Variants in HOMER3 observed in about 807,000 individuals in gnomAD.
HOMER3 encodes the protein homer protein homolog 3.
Under a neutral mutation model 45.5 loss-of-function variants are expected in HOMER3, and 34 were observed. The observed-to-expected ratio is 0.75, with a 90% CI of 0.57 to 1.00. The LOEUF is 1.00. Among genes scored for constraint, HOMER3 ranks in the 50% least tolerant of loss-of-function variants. The pLI is 0.00. For missense variants in HOMER3, 480 were observed against 497.5 expected (o/e 0.96, Z 0.33); for synonymous variants, 223 against 208.8 (o/e 1.07, Z -0.58).
In HOMER3 at chr19:18,938,709, A is replaced by ACACCCCC; in HGVS notation, c.171+18_171+19insGGGGGTG. 4 of 940,922 alleles carry ACACCCCC rather than the reference A, an allele frequency of 4.3e-6. No homozygotes were observed. Among genetic ancestry groups the ACACCCCC allele is most frequent in the Non-Finnish European group, 4.8e-6 (3 of 626,790 alleles). The allele number at this position is 940,922 out of a possible 1,614,324, so 58.3% of individuals were successfully genotyped here. A position where few individuals can be genotyped will look rare whatever the true frequency, so the allele number is the denominator to read the frequency against. ...CCAGGACTCCTGGTGCCTCTGCCCC[A>ACACCCCC]CCCAGACCCCACCCTGACCTTGGCG... is the stretch of plus-strand genomic sequence containing the variant. On this transcript the variant is annotated intron_variant, in intron 3 of 9. Transcript: ENST00000392351.
rs776158172 is a variant in HOMER3 at position 18,929,426 on chromosome 19, A to G, written c.*17T>C. 45 of 1,587,936 alleles carry G rather than the reference A, an allele frequency of 2.8e-5. No individual in the cohort carries two copies. Among genetic ancestry groups the G allele is most frequent in the Non-Finnish European group, 3.7e-5 (43 of 1,171,516 alleles). Reference sequence around the variant, plus strand: ...CGCATCCCAGGCCGGAATCGTTCATAGAAAACCAGCCCCGGCTCAGGGCGC... The same window carrying G: ...CGCATCCCAGGCCGGAATCGTTCATGGAAAACCAGCCCCGGCTCAGGGCGC... On this transcript the variant is annotated 3_prime_UTR_variant, in exon 10 of 10. Transcript: ENST00000392351.
Position 18,929,630 on chromosome 19 carries a change from A to G in HOMER3, c.899T>C (p.Leu300Pro). 7 of 1,470,966 alleles carry G rather than the reference A, an allele frequency of 4.8e-6. No homozygotes were observed. The highest frequency in any genetic ancestry group is 6.4e-6 in the Non-Finnish European group (7 of 1,095,296). The allele number at this position is 1,470,966 out of a possible 1,614,324, so 91.1% of individuals were successfully genotyped here. A position where few individuals can be genotyped will look rare whatever the true frequency, so the allele number is the denominator to read the frequency against. Residue 300 changes from leucine to proline, a missense_variant, in exon 10 of 10, where the codon CTG (leucine) becomes CCG (proline). By Grantham distance (98) the Leu-to-Pro change is moderately conservative (BLOSUM62 -3). Transcript: ENST00000392351. ...REETQQKVQD[L>P]ETRNAELEHQ... Reference sequence around the variant, plus strand: ...CTCCAACTCCGCATTGCGGGTCTCCAGGTCCTGCCAGGAAAGGGTGGGCAG... The same window carrying G: ...CTCCAACTCCGCATTGCGGGTCTCCGGGTCCTGCCAGGAAAGGGTGGGCAG...
chr19:18,932,200 TA>T, intron 6 of HOMER3, 68 bp from the exon 7 acceptor site: 2 of 1,156,382 alleles, frequency 1.7e-6, no homozygotes, highest in South Asian at 2.3e-5. Context: ...GATGCTGGGC[TA>T]GGGGGCGGGG....
intron 6 of HOMER3, among the ~76,000 whole-genome samples, chr19:18,932,432 G>A (rs962462456): frequency 2.1e-4 from 32 of 151,838 alleles, no homozygotes; most frequent in Admixed American, 1.1e-3. Flanking sequence ...GCCAGAGGAG[G>A]GGTGGCTTTG....
chr19:18,931,728 A>G, intron 7 of HOMER3, 103 bp from the exon 8 acceptor site: 1 of 1,505,158 alleles, frequency 6.6e-7, no homozygotes, highest in Non-Finnish European at 8.8e-7. Context: ...CCCAGGACCG[A>G]GCACCCATCT....
In HOMER3 at chr19:18,936,268, G is replaced by A. The variant is rs747355301; in HGVS notation, c.304-1858C>T. Among the ~76,000 whole-genome samples, 80 of 150,192 alleles carry A rather than the reference G, an allele frequency of 5.3e-4. 2 individuals are homozygous for A. Among genetic ancestry groups the A allele is most frequent in the Admixed American group, 1.6e-3 (24 of 14,880 alleles). On this transcript the variant is annotated intron_variant, in intron 4 of 9. Coordinates refer to ENST00000392351, the MANE Select transcript of HOMER3 (RefSeq NM_004838.4). ...GCGGAAGTTGCGGTGAGCCGAGATC[G>A]CACCATTGCACTCCAGCCTGGGGGA...
rs145484146 is a variant in HOMER3, at chr19:18,931,569, C to T, written c.747G>A (p.Glu249=). 128 of 1,613,308 alleles carry T rather than the reference C, an allele frequency of 7.9e-5. No homozygotes were observed. The highest frequency in any genetic ancestry group is 1.1e-4 in the Non-Finnish European group (125 of 1,179,994). The part of the protein sequence containing the change: ...ASEVTPTGEK[E]GLGQGQSLEQ... ...CCAGCGACTGGCCCTGGCCCAGCCC[C>T]TCCTTCTCACCGGTGGGGGTCACCT... Residue 249 remains glutamate (E), a synonymous_variant, in exon 8 of 10, where the codon GAG becomes GAA. Coordinates refer to ENST00000392351, the MANE Select transcript of HOMER3 (RefSeq NM_004838.4).
chr19:18,932,177 G>C, intron 6 of HOMER3, 45 bp from the exon 7 acceptor site: 1 of 1,484,618 alleles, frequency 6.7e-7, no homozygotes, highest in Non-Finnish European at 9.0e-7. Flanking sequence ...GGGGCTGGGG[G>C]GCGGAGTCGG....
intron 9 of HOMER3, among the ~76,000 whole-genome samples, chr19:18,930,683 T>C (rs1220131646): frequency 1.3e-5 from 2 of 151,828 alleles, no homozygotes; most frequent in African/African-American, 2.4e-5. Flanking sequence ...GAGACCAGTC[T>C]GGCCAACATG....
rs2057037204 is a variant in HOMER3, at chr19:18,931,929, G to A, written c.690+47C>T. ...GAACTGCCGAGGCGCGGTCTCCACA[G>A]TTGCCCGGGCCAGGTGGGGGTCTCT... On this transcript the variant is annotated intron_variant, in intron 7 of 9. Coordinates refer to ENST00000392351, the MANE Select transcript of HOMER3 (RefSeq NM_004838.4). 4.1e-6 allele frequency: 6 copies of A among 1,479,162 alleles called. No individual in the cohort carries two copies. In the East Asian group the frequency reaches 1.2e-4, roughly 31 times the overall value. 91.6% of individuals were successfully genotyped at this position (1,479,162 alleles called of 1,614,324 possible).
chr19:18,931,016 A>T (rs1279878509), intron 9 of HOMER3, among the ~76,000 whole-genome samples: 1 of 151,490 alleles, frequency 6.6e-6, no homozygotes, highest in Admixed American at 6.6e-5. Context: ...TCAAAGAATT[A>T]AAAAAAAATA....
intron 3 of HOMER3, 76 bp downstream of exon 3, chr19:18,938,652 C>G (rs1340147182): frequency 1.3e-6 from 2 of 1,529,598 alleles, no homozygotes; most frequent in Non-Finnish European, 1.8e-6. Flanking sequence ...CTTGGGCACA[C>G]AGCAAGCCAG....
At position 18,934,301 on chromosome 19, in the gene HOMER3, A is replaced by T; in HGVS notation, c.411+2T>A. On this transcript the variant is annotated splice_donor_variant, in intron 5 of 9. Coordinates refer to ENST00000392351, the MANE Select transcript of HOMER3 (RefSeq NM_004838.4). LOFTEE classifies it high-confidence loss of function. Reference sequence around the variant, plus strand: ...AGGCATAGGGGAGTAGGGAGTGCTGACCTGGTGGGAGGCGAGCCCCAGGGC... The same window carrying T: ...AGGCATAGGGGAGTAGGGAGTGCTGTCCTGGTGGGAGGCGAGCCCCAGGGC... 1 of 1,503,646 alleles carries T rather than the reference A, an allele frequency of 6.7e-7. No individual in the cohort carries two copies. Among genetic ancestry groups the T allele is most frequent in the Non-Finnish European group, 8.9e-7 (1 of 1,122,154 alleles). The allele number at this position is 1,503,646 out of a possible 1,614,324, so 93.1% of individuals were successfully genotyped here.
In HOMER3 at chr19:18,929,602, G is replaced by T; in HGVS notation, c.927C>A (p.His309Gln). The T allele has an allele frequency of 6.5e-7, 1 of 1,536,342 alleles. No homozygotes were observed. Reference protein sequence around the residue: ...DLETRNAELEHQLRAMERSLE... With the variant: ...DLETRNAELEQQLRAMERSLE... The stretch of plus-strand genomic sequence containing the variant: ...GGCTGCGCTCCATCGCCCGCAGCTG[G>T]TGCTCCAACTCCGCATTGCGGGTCT... The change falls in exon 10 of 10, where the codon CAC becomes CAA. Residue 309 changes from histidine to glutamine, a missense_variant. Transcript: ENST00000392351.
rs898772339 is a variant in HOMER3 at position 18,929,554 on chromosome 19, C to CCGCTCT, written c.969_974dup (p.Glu326_Arg327dup). ...GGCCCACCTCAGCCCGCGCCCGCTC[C>CCGCTCT]CGCTCTGCCCGTGCCTCCTCCAGGC... is the stretch of plus-strand genomic sequence containing the variant. On this transcript the variant is annotated inframe_insertion, in exon 10 of 10. Coordinates refer to ENST00000392351, the MANE Select transcript of HOMER3 (RefSeq NM_004838.4). The CCGCTCT allele has an allele frequency of 5.8e-6, 9 of 1,552,178 alleles. No individual in the cohort carries two copies. The Admixed American group carries it at 7.7e-5, about 13-fold the overall frequency.
Position 18,933,049 on chromosome 19 carries a change from G to A in HOMER3, c.412-4C>T, listed in dbSNP as rs73529159. 7.5e-5 allele frequency: 112 copies of A among 1,489,282 alleles called. No individual in the cohort carries two copies. The highest frequency in any genetic ancestry group is 9.7e-5 in the Non-Finnish European group (109 of 1,124,520). 92.3% of individuals were successfully genotyped at this position (1,489,282 alleles called of 1,614,324 possible). A position where few individuals can be genotyped will look rare whatever the true frequency, so the allele number is the denominator to read the frequency against. On this transcript the variant is annotated splice_polypyrimidine_tract_variant and splice_region_variant and intron_variant, in intron 5 of 9. Coordinates refer to ENST00000392351, the MANE Select transcript of HOMER3 (RefSeq NM_004838.4). Reference sequence around the variant, plus strand: ...TGACGAGAGGGCTCGGGGGCACCTAGGCACGGGGAAAAGAATAGGTCACGA... The same window carrying A: ...TGACGAGAGGGCTCGGGGGCACCTAAGCACGGGGAAAAGAATAGGTCACGA...
In HOMER3 at chr19:18,938,399, T is replaced by C. The variant is rs893547043; in HGVS notation, c.257A>G (p.Asn86Ser). Residue 86 changes from asparagine (N) to serine (S), a missense_variant, in exon 4 of 10, where the codon AAC (asparagine) becomes AGC (serine). By Grantham distance (46) the Asn-to-Ser change is conservative (BLOSUM62 1). Coordinates refer to ENST00000392351, the MANE Select transcript of HOMER3 (RefSeq NM_004838.4). ...GGCAAAGCCCAGGCCGTAGACTGTG[T>C]TGGCGCGACTGTCGGCCCACTGCCC... Reference protein sequence around the residue: ...KFGQWADSRANTVYGLGFASE... With the variant: ...KFGQWADSRASTVYGLGFASE... 6.2e-7 allele frequency: 1 copy of C among 1,613,894 alleles called. No homozygotes were observed. Among genetic ancestry groups the C allele is most frequent in the Non-Finnish European group, 8.5e-7 (1 of 1,179,952 alleles).
chr19:18,935,084 C>T (rs1295317172), intron 4 of HOMER3, among the ~76,000 whole-genome samples: 1 of 151,332 alleles, frequency 6.6e-6, no homozygotes, highest in Non-Finnish European at 1.5e-5. Context: ...TGAAGTGATC[C>T]GCCTGCCTCA....
At position 18,932,130 on chromosome 19, in the gene HOMER3, G is replaced by C; in HGVS notation, c.536C>G (p.Ser179Cys). ...ERLKKMLSEG[S>C]VGEVQWEAEF... Reference sequence around the variant, plus strand: ...GGCCTCCCACTGTACCTCGCCCACGGAGCTGCAGAGACACGAGGGTCGGCA... The same window carrying C: ...GGCCTCCCACTGTACCTCGCCCACGCAGCTGCAGAGACACGAGGGTCGGCA... Residue 179 changes from serine to cysteine, a missense_variant and splice_region_variant, in exon 7 of 10, where the codon TCC becomes TGC. By Grantham distance (112) the Ser-to-Cys change is moderately radical. Coordinates refer to ENST00000392351, the MANE Select transcript of HOMER3 (RefSeq NM_004838.4). The C allele has an allele frequency of 1.3e-6, 2 of 1,552,972 alleles. No individual in the cohort carries two copies. Among genetic ancestry groups the C allele is most frequent in the Non-Finnish European group, 1.7e-6 (2 of 1,149,474 alleles).
Sources: gnomAD v4.1 joint callset for allele counts (sites outside exome capture counted in the v4.1 genomes callset) on GRCh38, gnomAD v4.1.1 for gene constraint, MANE v1.5 for transcripts, NCBI Gene and HGNC (gene_info 2026-07-23, HGNC 2026-07-21) for gene names.